CCSAP: variants seen among roughly 807,000 people sequenced by gnomAD.
CCSAP encodes the protein centriole, cilia and spindle associated protein, also known as centriole, cilia and spindle-associated protein.
CCSAP carries 17 observed loss-of-function variants against 25.9 expected under a neutral mutation model. That is an observed-to-expected ratio of 0.66 (90% CI 0.45 to 0.99). The LOEUF (loss-of-function observed/expected upper bound fraction) is 0.99. Ranked by LOEUF, CCSAP falls within the 50% of genes least tolerant of loss-of-function variation. The pLI is 0.00. For missense variants in CCSAP, 339 were observed against 367.8 expected, an observed-to-expected ratio of 0.92 and a Z score of 0.64; for synonymous variants, 169 against 157.1, an observed-to-expected ratio of 1.08 and a Z score of -0.57.
intron 2 of CCSAP, among the ~76,000 whole-genome samples, chr1:229,339,004 T>A: frequency 7.2e-6 from 1 of 138,750 alleles, no homozygotes; most frequent in African/African-American, 2.7e-5. Flanking sequence ...CAATAAAAGA[T>A]GAAAATCTGT....
At chr1:229,333,671 G>A (rs1658134811) in intron 2 of CCSAP, among the ~76,000 whole-genome samples, 1 of 151,968 alleles carries the variant, frequency 6.6e-6, no homozygotes, top group African/African-American at 2.4e-5. Flanking sequence ...CCTGAACTCA[G>A]GAGTTCAAGA....
Position 229,323,834 on chromosome 1 carries a change from A to G in CCSAP, c.*1401T>C, listed in dbSNP as rs1285790547. 6.6e-6 allele frequency: 1 copy of G among 152,254 alleles called. No homozygotes were observed. The highest frequency in any genetic ancestry group is 2.4e-5 in the African/African-American group (1 of 41,466). 9.4% of individuals were successfully genotyped at this position (152,254 alleles called of 1,614,324 possible). A position where few individuals can be genotyped will look rare whatever the true frequency, so the allele number is the denominator to read the frequency against. On this transcript the variant is annotated 3_prime_UTR_variant, in exon 4 of 4. Coordinates refer to ENST00000284617, the MANE Select transcript of CCSAP (RefSeq NM_145257.5). ...CTATGGTTTTCCAAAGACCCAGAGA[A>G]AAATACTAAGGTAATACTCAGCCTC...
At chr1:229,333,816 G>A (rs564033354) in intron 2 of CCSAP, among the ~76,000 whole-genome samples, 87 of 152,210 alleles carry the variant, frequency 5.7e-4, no homozygotes, top group African/African-American at 2.0e-3. Flanking sequence ...GGGAGGCAGA[G>A]GTTGCAATGA....
rs1346308606 is a variant in CCSAP, at chr1:229,322,811, G to A, written c.*2424C>T. On this transcript the variant is annotated 3_prime_UTR_variant, in exon 4 of 4. Coordinates refer to ENST00000284617, the MANE Select transcript of CCSAP (RefSeq NM_145257.5). ...AATCAAAAAGCATATTTATGACATT[G>A]TTTTAATTAAGTTAAAATCAAAATT... is the stretch of plus-strand genomic sequence containing the variant. 6.6e-6 allele frequency: 1 copy of A among 152,232 alleles called. No individual in the cohort carries two copies. The highest frequency in any genetic ancestry group is 3.4e-3 in the Middle Eastern group (1 of 294). 9.4% of individuals were successfully genotyped at this position (152,232 alleles called of 1,614,324 possible).
At chr1:229,326,291 C>T (rs986019396) in intron 3 of CCSAP, among the ~76,000 whole-genome samples, 6 of 152,142 alleles carry the variant, frequency 3.9e-5, no homozygotes, top group African/African-American at 1.2e-4. Context: ...CTGGCAGATG[C>T]CAAGCAATCA....
chr1:229,336,035 T>TCG (rs1658188062), intron 2 of CCSAP, among the ~76,000 whole-genome samples: 1 of 151,438 alleles, frequency 6.6e-6, no homozygotes, highest in Non-Finnish European at 1.5e-5. Flanking sequence ...AATCTAGAGA[T>TCG]GATTTAAAGT....
At position 229,321,935 on chromosome 1, in the gene CCSAP, C is replaced by G. The variant is rs1253308897; in HGVS notation, c.*3300G>C. The G allele has an allele frequency of 6.6e-6, 1 of 152,058 alleles. No homozygotes were observed. The highest frequency in any genetic ancestry group is 1.5e-5 in the Non-Finnish European group (1 of 68,020). 9.4% of individuals were successfully genotyped at this position (152,058 alleles called of 1,614,324 possible). On this transcript the variant is annotated 3_prime_UTR_variant, in exon 4 of 4. Coordinates refer to ENST00000284617, the MANE Select transcript of CCSAP (RefSeq NM_145257.5). ...TTATTCCCTAAACAATATAGTATAACAACTATTTACAGAGCATTTACATTG... is the reference window on the plus strand; with the variant it reads ...TTATTCCCTAAACAATATAGTATAAGAACTATTTACAGAGCATTTACATTG...
chr1:229,331,230 G>A (rs1296865406), intron 2 of CCSAP, among the ~76,000 whole-genome samples: 1 of 151,852 alleles, frequency 6.6e-6, no homozygotes, highest in Non-Finnish European at 1.5e-5. Context: ...CCGGCACACA[G>A]GAGGGTAGGC....
Position 229,342,120 on chromosome 1 carries a change from C to T in CCSAP, c.346G>A (p.Ala116Thr), listed in dbSNP as rs1401077392. 3.0e-6 allele frequency: 4 copies of T among 1,344,354 alleles called. 1 individual carries two copies. Among genetic ancestry groups the T allele is most frequent in the Non-Finnish European group, 3.8e-6 (4 of 1,050,070 alleles). The allele number at this position is 1,344,354 out of a possible 1,614,324, so 83.3% of individuals were successfully genotyped here. The change falls in exon 2 of 4, where the codon GCG becomes ACG. Residue 116 changes from alanine (A) to threonine (T), a missense_variant. Transcript: ENST00000284617. The surrounding 1 kb of genome is among the most constrained non-coding windows in gnomAD (Gnocchi z 7.5). ...AEAGDAEAED[A>T]EDAALPALPV... ...GTACCTGGCAGAGCCGCGTCCTCCG[C>T]GTCCTCGGCCTCCGCGTCCCCGGCC...
At position 229,325,146 on chromosome 1, in the gene CCSAP, C is replaced by A; in HGVS notation, c.*89G>T. 2 of 1,323,860 alleles carry A rather than the reference C, an allele frequency of 1.5e-6. No homozygotes were observed. The highest frequency in any genetic ancestry group is 3.0e-5 in the South Asian group (2 of 65,622). 82.0% of individuals were successfully genotyped at this position (1,323,860 alleles called of 1,614,324 possible). A position where few individuals can be genotyped will look rare whatever the true frequency, so the allele number is the denominator to read the frequency against. ...TGCATAATCAGTTGGTTTCTTAAAC[C>A]TGTGTCCGTTTCTTTTGATGGTTTT... On this transcript the variant is annotated 3_prime_UTR_variant, in exon 4 of 4. Transcript: ENST00000284617.
In CCSAP at chr1:229,321,983, A is replaced by G. The variant is rs1048337974; in HGVS notation, c.*3252T>C. 5 of 152,250 alleles carry G rather than the reference A, an allele frequency of 3.3e-5. No homozygotes were observed. Among genetic ancestry groups the G allele is most frequent in the Admixed American group, 6.5e-5 (1 of 15,278 alleles). 9.4% of individuals were successfully genotyped at this position (152,250 alleles called of 1,614,324 possible). A position where few individuals can be genotyped will look rare whatever the true frequency, so the allele number is the denominator to read the frequency against. ...TTGTATTAGGTATTTTAAGTAATCT[A>G]GAGATGATTTAAAGCATACAGGAGG... On this transcript the variant is annotated 3_prime_UTR_variant, in exon 4 of 4. Transcript: ENST00000284617.
intron 2 of CCSAP, among the ~76,000 whole-genome samples, chr1:229,333,248 C>A (rs552443603): frequency 1.7e-4 from 26 of 151,668 alleles, no homozygotes; most frequent in Non-Finnish European, 2.2e-4. Flanking sequence ...CTGGGTAACA[C>A]GGTGAAACCC....
chr1:229,326,597 C>T, intron 3 of CCSAP, 141 bp downstream of exon 3: 1 of 995,900 alleles, frequency 1.0e-6, no homozygotes, highest in Non-Finnish European at 1.5e-6. Context: ...CTGGAGTTCC[C>T]CAACCCACCA....
In CCSAP at chr1:229,322,392, T is replaced by C. The variant is rs1055369204; in HGVS notation, c.*2843A>G. On this transcript the variant is annotated 3_prime_UTR_variant, in exon 4 of 4. Coordinates refer to ENST00000284617, the MANE Select transcript of CCSAP (RefSeq NM_145257.5). ...AACACAATGACAAAGATATTACATA[T>C]GAAATGGTATAAATATGTGCCTCCT... 2 of 152,214 alleles carry C rather than the reference T, an allele frequency of 1.3e-5. No homozygotes were observed. The highest frequency in any genetic ancestry group is 1.3e-4 in the Admixed American group (2 of 15,278). The allele number at this position is 152,214 out of a possible 1,614,324, so 9.4% of individuals were successfully genotyped here. A position where few individuals can be genotyped will look rare whatever the true frequency, so the allele number is the denominator to read the frequency against.
At chr1:229,334,133 C>A (rs796436628) in intron 2 of CCSAP, among the ~76,000 whole-genome samples, 1 of 152,080 alleles carries the variant, frequency 6.6e-6, no homozygotes, top group African/African-American at 2.4e-5. Flanking sequence ...TGCAATGGCA[C>A]GATCTCAGCT....
intron 2 of CCSAP, among the ~76,000 whole-genome samples, chr1:229,337,043 C>T (rs56116831): frequency 0.043 from 6,492 of 151,930 alleles, 179 homozygotes; most frequent in African/African-American, 0.076. Flanking sequence ...AGGAGGCACA[C>T]CATCCAACTA....
intron 2 of CCSAP, chr1:229,327,671 C>T (rs1571850469): frequency 4.6e-6 from 2 of 436,350 alleles, no homozygotes; most frequent in East Asian, 1.4e-4. Flanking sequence ...AGATCGAGAC[C>T]ATCCTGGCCA....
chr1:229,334,425 C>G (rs1658148583), intron 2 of CCSAP, among the ~76,000 whole-genome samples: 1 of 151,848 alleles, frequency 6.6e-6, no homozygotes. Context: ...TGTTACATGG[C>G]AAAACATGCG....
intron 2 of CCSAP, chr1:229,327,664 T>G: frequency 2.2e-6 from 1 of 447,118 alleles, no homozygotes; most frequent in South Asian, 1.6e-5. Flanking sequence ...GGTCAGGAGA[T>G]CGAGACCATC....
Sources: gnomAD v4.1 joint callset for allele counts (sites outside exome capture counted in the v4.1 genomes callset) on GRCh38, gnomAD v4.1.1 for gene constraint, Gnocchi (gnomAD v3.1) non-coding constraint, MANE v1.5 for transcripts, NCBI Gene and HGNC (gene_info 2026-07-23, HGNC 2026-07-21) for gene names.